The following TAF1B variants were observed in gnomAD, a reference collection of about 807,000 sequenced individuals.
TAF1B encodes the protein TATA-box binding protein associated factor, RNA polymerase I subunit B.
A neutral mutation model predicts 83.9 loss-of-function variants in TAF1B; 61 were observed. The observed-to-expected ratio is 0.73, with a 90% CI of 0.59 to 0.90. The LOEUF is 0.90. Ranked by LOEUF, TAF1B falls within the 40% of genes least tolerant of loss-of-function variation. The probability of loss-of-function intolerance (pLI) is 0.00; values close to 1 mark genes in which losing one functional copy is unlikely to be tolerated. For missense variants in TAF1B, 625 were observed against 677.0 expected (o/e 0.92, Z 0.85); for synonymous variants, 221 against 224.6 (o/e 0.98, Z 0.14).
chr2:9,918,601 A>T lies in TAF1B; in HGVS notation c.1272-440A>T, dbSNP rs192851417. 3.2e-4 allele frequency among the ~76,000 whole-genome samples: 48 copies of T among 152,328 alleles called. 1 individual carries two copies. In the East Asian group the frequency reaches 6.8e-3, roughly 21 times the overall value. ...AATAGATTTCCTGGCATCAGATGCC[A>T]GAGAGACGCATTTACTGTTCACTGT... On this transcript the variant is annotated intron_variant, in intron 12 of 14. Coordinates refer to ENST00000263663, the MANE Select transcript of TAF1B (RefSeq NM_005680.3).
At chr2:9,869,356 C>T (rs545914944) in intron 6 of TAF1B, among the ~76,000 whole-genome samples, 2 of 151,898 alleles carry the variant, frequency 1.3e-5, no homozygotes, top group South Asian at 4.2e-4. Context: ...TCCTGAGTAG[C>T]TGGGATTACA....
At chr2:9,904,328 A>G (rs1665278644) in intron 8 of TAF1B, among the ~76,000 whole-genome samples, 1 of 152,188 alleles carries the variant, frequency 6.6e-6, no homozygotes, top group Non-Finnish European at 1.5e-5. Context: ...CTCAATGTTT[A>G]GCTCCCACTT....
In TAF1B at chr2:9,911,508, C is replaced by T. The variant is rs899800229; in HGVS notation, c.1134-3C>T. The T allele has an allele frequency of 3.3e-6, 5 of 1,511,002 alleles. No homozygotes were observed. Among genetic ancestry groups the T allele is most frequent in the Non-Finnish European group, 4.5e-6 (5 of 1,123,324 alleles). The allele number at this position is 1,511,002 out of a possible 1,614,324, so 93.6% of individuals were successfully genotyped here. ...AAATTGATTTGTTTATTGTTATCTC[C>T]AGGTCTTTGTCTAATCTTGCTGAAA... On this transcript the variant is annotated splice_polypyrimidine_tract_variant and splice_region_variant and intron_variant, in intron 10 of 14. Coordinates refer to ENST00000263663, the MANE Select transcript of TAF1B (RefSeq NM_005680.3).
intron 14 of TAF1B, among the ~76,000 whole-genome samples, chr2:9,924,593 T>A (rs564287186): frequency 6.6e-6 from 1 of 152,354 alleles, no homozygotes; most frequent in Admixed American, 6.5e-5. Context: ...TTTATTAGCA[T>A]GTTTTCTAAT....
intron 14 of TAF1B, among the ~76,000 whole-genome samples, chr2:9,932,781 G>A (rs1425752393): frequency 1.3e-5 from 2 of 151,106 alleles, no homozygotes; most frequent in Non-Finnish European, 3.0e-5. Context: ...CCCCAGAGGT[G>A]TAGTTTACAG....
At position 9,861,526 on chromosome 2, in the gene TAF1B, CACAG is replaced by C. The variant is rs1663758753; in HGVS notation, c.400-6746_400-6743del. On this transcript the variant is annotated intron_variant, in intron 5 of 14. Coordinates refer to ENST00000263663, the MANE Select transcript of TAF1B (RefSeq NM_005680.3). Reference sequence around the variant, plus strand: ...GTAGGCTCCACCTCTGGGAGCAGGGCACAGACAAACAAAAGGCAGCAGTAACCTC... The same window carrying C: ...GTAGGCTCCACCTCTGGGAGCAGGGCACAAACAAAAGGCAGCAGTAACCTC... Among the ~76,000 whole-genome samples, 8 of 152,352 alleles carry C rather than the reference CACAG, an allele frequency of 5.3e-5. No homozygotes were observed. The South Asian group carries it at 1.7e-3, about 32-fold the overall frequency.
chr2:9,880,490 C>A (rs1329008625), intron 7 of TAF1B, among the ~76,000 whole-genome samples: 1 of 114,894 alleles, frequency 8.7e-6, no homozygotes, highest in East Asian at 2.9e-4. Flanking sequence ...ATTCAAAGAA[C>A]TATTTATAAA....
At chr2:9,903,064 A>G (rs568010151) in intron 8 of TAF1B, among the ~76,000 whole-genome samples, 2 of 152,142 alleles carry the variant, frequency 1.3e-5, no homozygotes, top group Admixed American at 6.5e-5. Context: ...CTTGCATAGA[A>G]TAGGCTCTAA....
At chr2:9,875,621 G>A (rs1285111680) in intron 6 of TAF1B, among the ~76,000 whole-genome samples, 1 of 152,052 alleles carries the variant, frequency 6.6e-6, no homozygotes, top group African/African-American at 2.4e-5. Flanking sequence ...ATCAGATCTC[G>A]TGAGATGTAT....
chr2:9,907,007 A>C (rs1397965347), intron 9 of TAF1B, among the ~76,000 whole-genome samples: 2 of 152,108 alleles, frequency 1.3e-5, no homozygotes, highest in African/African-American at 2.4e-5. Flanking sequence ...CCTCCCGAGT[A>C]GCTGAGACTG....
chr2:9,929,120 G>T (rs9752674), intron 14 of TAF1B, among the ~76,000 whole-genome samples: 6 of 152,164 alleles, frequency 3.9e-5, no homozygotes, highest in Non-Finnish European at 7.4e-5. Flanking sequence ...GAGATAATCA[G>T]GTGGTTTTGT....
chr2:9,881,682 CCTGCAG>C (rs1558247684), intron 7 of TAF1B, among the ~76,000 whole-genome samples: 1 of 152,008 alleles, frequency 6.6e-6, no homozygotes, highest in Non-Finnish European at 1.5e-5. Context: ...CTGCTGTTTC[CCTGCAG>C]TCTAGAATAG....
At chr2:9,860,272 A>G (rs1443892762) in intron 5 of TAF1B, among the ~76,000 whole-genome samples, 4 of 152,218 alleles carry the variant, frequency 2.6e-5, no homozygotes, top group African/African-American at 9.6e-5. Flanking sequence ...GTTAGATGTA[A>G]AAGTCTGCAG....
intron 9 of TAF1B, among the ~76,000 whole-genome samples, chr2:9,906,077 C>T (rs191108775): frequency 6.6e-6 from 1 of 151,774 alleles, no homozygotes; most frequent in Non-Finnish European, 1.5e-5. Context: ...ATGGGTCTCT[C>T]AAGTGTGGAA....
At chr2:9,862,096 T>A (rs570538405) in intron 5 of TAF1B, among the ~76,000 whole-genome samples, 1 of 152,248 alleles carries the variant, frequency 6.6e-6, no homozygotes, top group South Asian at 2.1e-4. Flanking sequence ...GGAAGGAGAA[T>A]GACATTGACG....
chr2:9,880,886 T>C (rs905365455), intron 7 of TAF1B, among the ~76,000 whole-genome samples: 1 of 152,170 alleles, frequency 6.6e-6, no homozygotes, highest in Admixed American at 6.5e-5. Flanking sequence ...AAATATAATT[T>C]CACAATAATA....
intron 14 of TAF1B, among the ~76,000 whole-genome samples, chr2:9,924,888 T>C (rs1202147264): frequency 6.6e-6 from 1 of 152,194 alleles, no homozygotes; most frequent in Non-Finnish European, 1.5e-5. Flanking sequence ...TTATTCTTCC[T>C]AGCTGAGGCA....
chr2:9,913,020 GTC>G, intron 11 of TAF1B, 137 bp from the exon 12 acceptor site: 1 of 605,660 alleles, frequency 1.7e-6, no homozygotes, highest in South Asian at 2.7e-5. Flanking sequence ...CAGTTCTGTT[GTC>G]TCTCTAATGT....
chr2:9,863,562 T>C (rs942135412), intron 5 of TAF1B, among the ~76,000 whole-genome samples: 4 of 152,158 alleles, frequency 2.6e-5, no homozygotes, highest in Non-Finnish European at 4.4e-5. Flanking sequence ...AACAAGGATA[T>C]CCAGGAATTG....
Sources: allele counts gnomAD v4.1 joint callset (sites outside exome capture counted in the v4.1 genomes callset), GRCh38; gene constraint gnomAD v4.1.1; transcripts MANE v1.5; gene names NCBI Gene and HGNC (gene_info 2026-07-23, HGNC 2026-07-21).